Variants in CSMD1 observed in about 807,000 individuals in gnomAD.
The protein encoded by CSMD1 is CUB and Sushi multiple domains 1.
A neutral mutation model predicts 417.5 loss-of-function variants in CSMD1; 213 were observed. The ratio of observed to expected loss-of-function variants is 0.51; its 90% CI spans 0.46 to 0.57. The LOEUF is 0.57. Among genes scored for constraint, CSMD1 ranks in the 20% least tolerant of loss-of-function variants. CSMD1 has a pLI of 0.00. For synonymous variants in CSMD1, 2,862 were observed against 1,736.8 expected (o/e 1.65, Z -16.11); for missense variants, 6,923 against 4,529.7 (o/e 1.53, Z -15.17).
chr8:4,927,590 G>C (rs760901383), intron 1 of CSMD1, among the ~76,000 whole-genome samples: 54 of 152,252 alleles, frequency 3.5e-4, no homozygotes, highest in Admixed American at 1.2e-3. Context: ...ATAGTTCTTA[G>C]AGGTTCTTCA....
At chr8:3,523,593 G>A (rs1412441770) in intron 10 of CSMD1, among the ~76,000 whole-genome samples, 1 of 150,446 alleles carries the variant, frequency 6.6e-6, no homozygotes, top group Non-Finnish European at 1.5e-5. Flanking sequence ...ACAGACATAT[G>A]CACACATGTG....
At chr8:4,602,078 A>G (rs888655447) in intron 2 of CSMD1, among the ~76,000 whole-genome samples, 7 of 152,218 alleles carry the variant, frequency 4.6e-5, no homozygotes, top group Non-Finnish European at 5.9e-5. Flanking sequence ...ATGTATTAGC[A>G]AAGTTACCAA....
intron 2 of CSMD1, among the ~76,000 whole-genome samples, chr8:4,616,798 G>C (rs990804390): frequency 1.6e-4 from 24 of 152,178 alleles, no homozygotes; most frequent in Admixed American, 9.2e-4. Context: ...AGAATCCAGA[G>C]GAAAAAACTA....
intron 5 of CSMD1, among the ~76,000 whole-genome samples, chr8:3,834,480 A>G (rs1359024355): frequency 6.6e-6 from 1 of 152,196 alleles, no homozygotes; most frequent in Non-Finnish European, 1.5e-5. Flanking sequence ...GTGTTGTTCC[A>G]GGTCAGTACC....
chr8:3,541,629 G>C (rs1798442332), intron 10 of CSMD1, among the ~76,000 whole-genome samples: 1 of 149,790 alleles, frequency 6.7e-6, no homozygotes, highest in South Asian at 2.1e-4. Context: ...TTTACAGGTA[G>C]ACGTTCTTCA....
chr8:3,353,766 C>CG (rs1808565807), intron 21 of CSMD1, among the ~76,000 whole-genome samples: 1 of 61,624 alleles, frequency 1.6e-5, no homozygotes, highest in South Asian at 9.7e-4. Context: ...TGAATGAACA[C>CG]AGTTTCTTAA....
rs59927132 is a variant in CSMD1 at position 3,168,631 on chromosome 8, T to TCACACACACACACACACA, written c.5726-6372_5726-6355dup. ...TGTGTAAGGAGTCAGTAAGTCTTCA[T>TCACACACACACACACACA]CACACACACACACACACACACAAAT... On this transcript the variant is annotated intron_variant, in intron 37 of 69. Transcript: ENST00000635120. Among the ~76,000 whole-genome samples the TCACACACACACACACACA allele has an allele frequency of 3.1e-3, 460 of 148,904 alleles. 4 individuals are homozygous for TCACACACACACACACACA. The highest frequency in any genetic ancestry group is 0.011 in the African/African-American group (437 of 40,470).
intron 3 of CSMD1, among the ~76,000 whole-genome samples, chr8:4,204,913 G>C (rs939980082): frequency 2.6e-5 from 4 of 152,060 alleles, no homozygotes; most frequent in African/African-American, 7.2e-5. Flanking sequence ...TCCCATCTCA[G>C]CTTCCCAAAG....
intron 3 of CSMD1, among the ~76,000 whole-genome samples, chr8:4,338,080 C>A (rs1359700318): frequency 1.3e-5 from 2 of 152,120 alleles, no homozygotes; most frequent in Non-Finnish European, 2.9e-5. Context: ...CTTTTTAATA[C>A]ATGCACTTTT....
intron 3 of CSMD1, among the ~76,000 whole-genome samples, chr8:4,094,046 C>A (rs561428607): frequency 5.9e-5 from 9 of 151,928 alleles, no homozygotes; most frequent in African/African-American, 2.2e-4. Flanking sequence ...ATAGAATGCA[C>A]CAGAGAGCTG....
chr8:3,183,381 C>A (rs1353425543), intron 36 of CSMD1, among the ~76,000 whole-genome samples: 1 of 148,426 alleles, frequency 6.7e-6, no homozygotes, highest in Non-Finnish European at 1.5e-5. Flanking sequence ...TCGGCACCCA[C>A]CGACGTCACG....
chr8:4,186,044 T>C (rs181120774), intron 3 of CSMD1, among the ~76,000 whole-genome samples: 110 of 152,282 alleles, frequency 7.2e-4, no homozygotes, highest in Admixed American at 1.2e-3. Context: ...AGTGCCTGGG[T>C]GGGCCTGGAT....
chr8:4,068,819 T>G (rs1799394321), intron 3 of CSMD1, among the ~76,000 whole-genome samples: 1 of 152,240 alleles, frequency 6.6e-6, no homozygotes, highest in Non-Finnish European at 1.5e-5. Flanking sequence ...ATTCATGGTA[T>G]CAGTGACATT....
At chr8:3,552,131 T>A (rs929247315) in intron 10 of CSMD1, among the ~76,000 whole-genome samples, 1 of 152,202 alleles carries the variant, frequency 6.6e-6, no homozygotes, top group Non-Finnish European at 1.5e-5. Flanking sequence ...TGGAGGCACT[T>A]TGAATTCATC....
intron 4 of CSMD1, among the ~76,000 whole-genome samples, chr8:4,006,044 G>C (rs1016120977): frequency 1.2e-4 from 19 of 152,186 alleles, no homozygotes; most frequent in African/African-American, 4.3e-4. Context: ...TGAAAAAAAG[G>C]AACTATTCAA....
intron 3 of CSMD1, among the ~76,000 whole-genome samples, chr8:4,221,258 C>G (rs1429548199): frequency 6.6e-6 from 1 of 151,932 alleles, no homozygotes; most frequent in Non-Finnish European, 1.5e-5. Flanking sequence ...AATGTATCAA[C>G]ACCTGCTCTG....
At chr8:4,247,571 C>A (rs1189115343) in intron 3 of CSMD1, among the ~76,000 whole-genome samples, 1 of 152,228 alleles carries the variant, frequency 6.6e-6, no homozygotes, top group Non-Finnish European at 1.5e-5. Context: ...CCGCATAATA[C>A]CACCATTCTT....
intron 63 of CSMD1, 39 bp from the exon 64 acceptor site, chr8:2,955,807 G>A (rs1344873984): frequency 6.3e-7 from 1 of 1,590,150 alleles, no homozygotes; most frequent in Non-Finnish European, 8.6e-7. Flanking sequence ...TTTGTTTATT[G>A]TAAAGTTAGC....
intron 18 of CSMD1, among the ~76,000 whole-genome samples, chr8:3,374,164 G>A (rs140273010): frequency 6.9e-4 from 101 of 145,424 alleles, no homozygotes; most frequent in Admixed American, 1.4e-3. Context: ...TTGTTGTCCC[G>A]GCTAGTCTCG....
Sources: gnomAD v4.1 joint callset for allele counts (sites outside exome capture counted in the v4.1 genomes callset) on GRCh38, gnomAD v4.1.1 for gene constraint, MANE v1.5 for transcripts, NCBI Gene and HGNC (gene_info 2026-07-23, HGNC 2026-07-21) for gene names.